ESRRG: variants seen among roughly 807,000 people sequenced by gnomAD.
The protein encoded by ESRRG is estrogen-related receptor gamma.
A neutral mutation model predicts 44.0 loss-of-function variants in ESRRG; 13 were observed. That is an observed-to-expected ratio of 0.30 (90% CI 0.19 to 0.47). The LOEUF (loss-of-function observed/expected upper bound fraction) is 0.47. Among genes scored for constraint, ESRRG ranks in the 20% least tolerant of loss-of-function variants. ESRRG has a pLI of 1.00. For synonymous variants in ESRRG, 215 were observed against 214.6 expected, an observed-to-expected ratio of 1.00 and a Z score of -0.02; for missense variants, 395 against 580.6, an observed-to-expected ratio of 0.68 and a Z score of 3.29.
chr1:216,968,142 C>A (rs1038793599), intron 1 of ESRRG, among the ~76,000 whole-genome samples: 1 of 152,090 alleles, frequency 6.6e-6, no homozygotes, highest in Non-Finnish European at 1.5e-5. Context: ...GGATAACAAT[C>A]CTTTATAAGA....
At chr1:216,779,458 A>ATTTAT (rs1338175755) in intron 2 of ESRRG, among the ~76,000 whole-genome samples, 2 of 74,580 alleles carry the variant, frequency 2.7e-5, no homozygotes, top group African/African-American at 1.3e-4. Context: ...TTATAAATAT[A>ATTTAT]AATATAAATA....
At chr1:217,110,263 A>T (rs2092646511) in intron 1 of ESRRG, among the ~76,000 whole-genome samples, 1 of 152,220 alleles carries the variant, frequency 6.6e-6, no homozygotes, top group African/African-American at 2.4e-5. Flanking sequence ...ATATGAAACC[A>T]TTATACCATT....
In ESRRG at chr1:216,563,929, T is replaced by G. The variant is rs944929661; in HGVS notation, c.862+290A>C. ...TATTTGCTAGGAAAAAGGTAAGAAT[T>G]TTGACAAAGGATAAAGAAATGTTTT... On this transcript the variant is annotated intron_variant, in intron 5 of 6. Coordinates refer to ENST00000408911, the MANE Select transcript of ESRRG (RefSeq NM_001438.4). 2.0e-5 allele frequency among the ~76,000 whole-genome samples: 3 copies of G among 152,112 alleles called. 1 individual carries two copies. The South Asian group carries it at 6.2e-4, about 32-fold the overall frequency.
Position 216,779,991 on chromosome 1 carries a change from T to C in ESRRG, c.-13-102500A>G, listed in dbSNP as rs1457583966. Among the ~76,000 whole-genome samples the C allele has an allele frequency of 3.3e-5, 5 of 152,042 alleles. No homozygotes were observed. In the East Asian group the frequency reaches 7.8e-4, roughly 24 times the overall value. On this transcript the variant is annotated intron_variant, in intron 2 of 7. Transcript: ENST00000359162. Reference sequence around the variant, plus strand: ...ACACCTAAGATAGAAGCATGTTTGTTAGTTTCTTCTGCCTTGTCTTCTTCT... The same window carrying C: ...ACACCTAAGATAGAAGCATGTTTGTCAGTTTCTTCTGCCTTGTCTTCTTCT...
intron 2 of ESRRG, among the ~76,000 whole-genome samples, chr1:216,807,597 T>A (rs2094837526): frequency 6.6e-6 from 1 of 152,132 alleles, no homozygotes; most frequent in Admixed American, 6.6e-5. Context: ...GTAAAGAACC[T>A]TGAGGTACAG....
At chr1:216,667,790 A>G (rs962249343) in intron 2 of ESRRG, among the ~76,000 whole-genome samples, 2 of 151,942 alleles carry the variant, frequency 1.3e-5, no homozygotes, top group Non-Finnish European at 2.9e-5. Flanking sequence ...TATTGCTACT[A>G]CAAAGTGTAT....
intron 5 of ESRRG, among the ~76,000 whole-genome samples, chr1:216,544,411 A>T (rs1375462763): frequency 6.6e-6 from 1 of 152,012 alleles, no homozygotes; most frequent in Non-Finnish European, 1.5e-5. Flanking sequence ...TCTGCACAAT[A>T]TCAGGTACCA....
intron 2 of ESRRG, among the ~76,000 whole-genome samples, chr1:216,731,293 T>C (rs2088718607): frequency 1.3e-5 from 2 of 152,068 alleles, no homozygotes; most frequent in South Asian, 2.1e-4. Context: ...CCTATTTCTA[T>C]GAGATGTATG....
chr1:217,016,231 C>T (rs563659781), intron 1 of ESRRG, among the ~76,000 whole-genome samples: 85 of 152,104 alleles, frequency 5.6e-4, no homozygotes, highest in Non-Finnish European at 1.1e-3. Flanking sequence ...GCTTACTCAT[C>T]GCAAGTGTAA....
At chr1:216,845,010 C>T (rs1003347800) in intron 2 of ESRRG, among the ~76,000 whole-genome samples, 4 of 152,120 alleles carry the variant, frequency 2.6e-5, no homozygotes, top group South Asian at 4.1e-4. Context: ...TCACAGAGGA[C>T]CCCAGATGAC....
intron 1 of ESRRG, among the ~76,000 whole-genome samples, chr1:216,994,672 C>T (rs898693993): frequency 1.3e-5 from 2 of 152,146 alleles, no homozygotes; most frequent in Admixed American, 6.5e-5. Context: ...AGCTCCATCT[C>T]CAGGGTTCAC....
At chr1:216,527,737 T>C (rs2048102634) in intron 5 of ESRRG, among the ~76,000 whole-genome samples, 1 of 152,158 alleles carries the variant, frequency 6.6e-6, no homozygotes, top group Non-Finnish European at 1.5e-5. Context: ...CACACTTCTT[T>C]CCATTCTCAT....
intron 1 of ESRRG, among the ~76,000 whole-genome samples, chr1:216,716,980 G>C (rs923224931): frequency 6.6e-6 from 1 of 151,702 alleles, no homozygotes; most frequent in Non-Finnish European, 1.5e-5. Flanking sequence ...TCATTGTTTT[G>C]CCTCAGTAAG....
chr1:216,782,750 T>C (rs1281340052), intron 2 of ESRRG, among the ~76,000 whole-genome samples: 1 of 152,052 alleles, frequency 6.6e-6, no homozygotes, highest in Non-Finnish European at 1.5e-5. Context: ...TGAGACCTCC[T>C]TTTGATTTCT....
intron 2 of ESRRG, among the ~76,000 whole-genome samples, chr1:216,798,404 A>C (rs2094529981): frequency 6.6e-6 from 1 of 152,146 alleles, no homozygotes; most frequent in Non-Finnish European, 1.5e-5. Context: ...GAGGCCCTGC[A>C]TGTGCAAAGT....
chr1:216,540,888 A>T (rs901730049), intron 5 of ESRRG, among the ~76,000 whole-genome samples: 7 of 152,022 alleles, frequency 4.6e-5, no homozygotes, highest in African/African-American at 1.7e-4. Context: ...TCTTTAAAAA[A>T]ATCAGAGAAT....
intron 1 of ESRRG, among the ~76,000 whole-genome samples, chr1:217,062,276 G>A (rs2088684527): frequency 1.3e-5 from 2 of 152,096 alleles, no homozygotes; most frequent in South Asian, 4.1e-4. Context: ...TCATTAAAAT[G>A]ACCATGTTTT....
chr1:217,090,379 A>ACCTACCCAACCCACCTCCCAAC (rs2092318893), upstream of ESRRG: 1 of 151,858 alleles, frequency 6.6e-6, no homozygotes, highest in Non-Finnish European at 1.5e-5. Context: ...GGGATCCCAA[A>ACCTACCCAACCCACCTCCCAAC]CCTACCCAAC....
Position 216,506,905 on chromosome 1 carries a change from A to G in ESRRG, c.*34T>C. 1 of 1,587,636 alleles carries G rather than the reference A, an allele frequency of 6.3e-7. No homozygotes were observed. Among genetic ancestry groups the G allele is most frequent in the Non-Finnish European group, 8.5e-7 (1 of 1,169,756 alleles). On this transcript the variant is annotated 3_prime_UTR_variant, in exon 7 of 7. Transcript: ENST00000408911. ...TCTTGGGTTTATTTTCCCTTTTTCA[A>G]CATGAAGGATGGGAAGGCCCAGGGA...
Sources: gnomAD v4.1 joint callset for allele counts (sites outside exome capture counted in the v4.1 genomes callset) on GRCh38, gnomAD v4.1.1 for gene constraint, MANE v1.5 for transcripts, NCBI Gene and HGNC (gene_info 2026-07-23, HGNC 2026-07-21) for gene names.